Variants in JARID2 observed in about 807,000 individuals in gnomAD.
The protein encoded by JARID2 is protein Jumonji.
In JARID2, 21 loss-of-function variants were observed where a neutral mutation model predicts 125.6. The observed-to-expected ratio is 0.17, with a 90% CI of 0.12 to 0.24. The LOEUF is 0.24. Ranked by LOEUF, JARID2 falls within the 10% of genes least tolerant of loss-of-function variation. The pLI, the probability that JARID2 is intolerant of heterozygous loss-of-function variation, is 1.00. For synonymous variants in JARID2, 736 were observed against 661.6 expected (o/e 1.11, Z -1.73); for missense variants, 1,303 against 1,639.6 (o/e 0.79, Z 3.55).
chr6:15,250,264 G>A (rs75764096), intron 1 of JARID2, among the ~76,000 whole-genome samples: 7,678 of 148,986 alleles, frequency 0.052, 242 homozygotes, highest in Admixed American at 0.11. Flanking sequence ...TTACAACTAC[G>A]TAAAATTACA....
chr6:15,423,187 G>A (rs1409557991), intron 3 of JARID2, among the ~76,000 whole-genome samples: 1 of 151,850 alleles, frequency 6.6e-6, no homozygotes, highest in Non-Finnish European at 1.5e-5. Flanking sequence ...TTTTGTAGAA[G>A]TAGGTTTTCA....
In JARID2 at chr6:15,352,260, C is replaced by T. The variant is rs553914482; in HGVS notation, c.46-21857C>T. Among the ~76,000 whole-genome samples, 6 of 152,232 alleles carry T rather than the reference C, an allele frequency of 3.9e-5. No homozygotes were observed. The East Asian group carries it at 9.7e-4, about 24-fold the overall frequency. The stretch of plus-strand genomic sequence containing the variant: ...ATGCTTAGCTGAGATTCCTGAAAGA[C>T]TATAATTTTAACAAGGAAGGCTCTC... On this transcript the variant is annotated intron_variant, in intron 1 of 17. Transcript: ENST00000341776.
intron 6 of JARID2, among the ~76,000 whole-genome samples, chr6:15,493,408 G>T (rs1770251383): frequency 6.6e-6 from 1 of 152,198 alleles, no homozygotes; most frequent in Non-Finnish European, 1.5e-5. Flanking sequence ...GGTGGCTGAT[G>T]CCTGAACCTC....
chr6:15,279,106 A>G (rs1760655252), intron 1 of JARID2, among the ~76,000 whole-genome samples: 1 of 133,776 alleles, frequency 7.5e-6, no homozygotes, highest in Admixed American at 7.0e-5. Context: ...AAAAAAAAAG[A>G]TAAATTGTCC....
intron 1 of JARID2, among the ~76,000 whole-genome samples, chr6:15,311,305 C>T (rs572705842): frequency 9.8e-5 from 15 of 152,288 alleles, no homozygotes; most frequent in East Asian, 5.8e-4. Flanking sequence ...AGGCTGGGCA[C>T]GGTGGCTCAT....
intron 4 of JARID2, among the ~76,000 whole-genome samples, chr6:15,462,903 G>C (rs1458311713): frequency 1.3e-5 from 2 of 152,210 alleles, no homozygotes; most frequent in Non-Finnish European, 2.9e-5. Context: ...AATGATCTCT[G>C]TTGTTGTTGT....
At position 15,259,094 on chromosome 6, in the gene JARID2, C is replaced by T. The variant is rs149246490; in HGVS notation, c.45+12510C>T. 5.5e-3 allele frequency among the ~76,000 whole-genome samples: 844 copies of T among 152,304 alleles called. 7 individuals carry two copies. The highest frequency in any genetic ancestry group is 0.01 in the Middle Eastern group (3 of 294). On this transcript the variant is annotated intron_variant, in intron 1 of 17. Coordinates refer to ENST00000341776, the MANE Select transcript of JARID2 (RefSeq NM_004973.4). ...GATGGGATTTTTATCTTCCCTCTGC[C>T]TTCCCTGGTTTGTGAGGATGAGGGT...
chr6:15,435,662 T>C lies in JARID2; in HGVS notation c.324-16344T>C, dbSNP rs539964150. Among the ~76,000 whole-genome samples, 3 of 152,358 alleles carry C rather than the reference T, an allele frequency of 2.0e-5. No individual in the cohort carries two copies. The East Asian group carries it at 5.8e-4, about 29-fold the overall frequency. ...GCTTTAATGACTTGCTTGAATATCT[T>C]GGCCTGCTGTATTCCTGGAAATGAC... is the stretch of plus-strand genomic sequence containing the variant. On this transcript the variant is annotated intron_variant, in intron 3 of 17. Transcript: ENST00000341776.
In JARID2 at chr6:15,451,773, A is replaced by G. The variant is rs913052899; in HGVS notation, c.324-233A>G. Among the ~76,000 whole-genome samples the G allele has an allele frequency of 2.6e-5, 4 of 152,350 alleles. No homozygotes were observed. In the South Asian group the frequency reaches 8.3e-4, roughly 32 times the overall value. On this transcript the variant is annotated intron_variant, in intron 3 of 17. Coordinates refer to ENST00000341776, the MANE Select transcript of JARID2 (RefSeq NM_004973.4). ...TCTACACACATGTATACACATGTCC[A>G]TGACACACATTTTATATCCATGTAC... is the stretch of plus-strand genomic sequence containing the variant.
At chr6:15,324,503 TC>T (rs1161655544) in intron 1 of JARID2, 2 of 152,164 alleles carry the variant, frequency 1.3e-5, no homozygotes, top group Non-Finnish European at 2.9e-5. Flanking sequence ...TTCTTCTTTT[TC>T]TTTTTTTTAA....
At chr6:15,408,754 T>C (rs1765753515) in intron 2 of JARID2, among the ~76,000 whole-genome samples, 1 of 152,234 alleles carries the variant, frequency 6.6e-6, no homozygotes, top group Non-Finnish European at 1.5e-5. Flanking sequence ...TTTCAGGTGA[T>C]CAGTAGCTGC....
chr6:15,391,610 G>A (rs1765012564), intron 2 of JARID2, among the ~76,000 whole-genome samples: 1 of 152,192 alleles, frequency 6.6e-6, no homozygotes, highest in African/African-American at 2.4e-5. Flanking sequence ...CATTCACTTT[G>A]CAATCTGTCA....
intron 1 of JARID2, among the ~76,000 whole-genome samples, chr6:15,320,844 C>CCGTGTGTG (rs1762327045): frequency 7.3e-6 from 1 of 136,720 alleles, no homozygotes. Flanking sequence ...TTCATTCTCT[C>CCGTGTGTG]TCTCTCTCTG....
At chr6:15,472,347 T>G (rs1248183560) in intron 5 of JARID2, among the ~76,000 whole-genome samples, 1 of 152,202 alleles carries the variant, frequency 6.6e-6, no homozygotes, top group Non-Finnish European at 1.5e-5. Flanking sequence ...CCAAACCAGC[T>G]GAGCTTAGTA....
At chr6:15,375,808 T>C (rs1178449427) in intron 2 of JARID2, among the ~76,000 whole-genome samples, 2 of 152,194 alleles carry the variant, frequency 1.3e-5, no homozygotes, top group Non-Finnish European at 2.9e-5. Context: ...ACTGTTAGAT[T>C]GTATGGTTGT....
chr6:15,391,454 G>A (rs1194703573), intron 2 of JARID2, among the ~76,000 whole-genome samples: 2 of 152,188 alleles, frequency 1.3e-5, no homozygotes, highest in Non-Finnish European at 2.9e-5. Flanking sequence ...TCAGTGGGGA[G>A]GCCTGAGACA....
intron 5 of JARID2, among the ~76,000 whole-genome samples, chr6:15,485,367 A>G (rs1289998536): frequency 6.6e-6 from 1 of 152,198 alleles, no homozygotes; most frequent in Non-Finnish European, 1.5e-5. Flanking sequence ...GAAACTTAGA[A>G]GATTATTTTA....
chr6:15,461,193 A>G (rs1308473827), intron 4 of JARID2, among the ~76,000 whole-genome samples: 1 of 152,208 alleles, frequency 6.6e-6, no homozygotes, highest in Non-Finnish European at 1.5e-5. Context: ...CAGTGCAGAC[A>G]ACAATATAGG....
At chr6:15,384,385 T>C in intron 2 of JARID2, among the ~76,000 whole-genome samples, 1 of 151,742 alleles carries the variant, frequency 6.6e-6, no homozygotes, top group East Asian at 1.9e-4. Flanking sequence ...TTTTTTTTTT[T>C]TTTGGATAGG....
Sources: gnomAD v4.1 joint callset for allele counts (sites outside exome capture counted in the v4.1 genomes callset) on GRCh38, gnomAD v4.1.1 for gene constraint, MANE v1.5 for transcripts, NCBI Gene and HGNC (gene_info 2026-07-23, HGNC 2026-07-21) for gene names.